Variants in SEMA3D observed in about 807,000 individuals in gnomAD.
The protein encoded by SEMA3D is semaphorin 3D, also known as semaphorin-3D.
A neutral mutation model predicts 100.1 loss-of-function variants in SEMA3D; 84 were observed. That is an observed-to-expected ratio of 0.84 (90% CI 0.70 to 1.01). The LOEUF (loss-of-function observed/expected upper bound fraction) is 1.01. Among genes scored for constraint, SEMA3D ranks in the 50% least tolerant of loss-of-function variants. SEMA3D has a pLI of 0.00. For synonymous variants in SEMA3D, 312 were observed against 320.7 expected (o/e 0.97, Z 0.29); for missense variants, 875 against 934.1 (o/e 0.94, Z 0.82).
Position 85,027,815 on chromosome 7 carries a change from C to T in SEMA3D, c.1192-5202G>A, listed in dbSNP as rs1401963351. The T allele has an allele frequency of 6.2e-6, 3 of 487,126 alleles. No homozygotes were observed. The East Asian group carries it at 1.6e-4, about 26-fold the overall frequency. 30.2% of individuals were successfully genotyped at this position (487,126 alleles called of 1,614,324 possible). A position where few individuals can be genotyped will look rare whatever the true frequency, so the allele number is the denominator to read the frequency against. On this transcript the variant is annotated intron_variant, in intron 12 of 18. Transcript: ENST00000284136. ...CACTTTGAAATCTGAGCTGACCATGCACACAAACATCTGTGTCTAAGTGAC... is the reference window on the plus strand; with the variant it reads ...CACTTTGAAATCTGAGCTGACCATGTACACAAACATCTGTGTCTAAGTGAC...
chr7:85,181,749 A>C, intron 1 of SEMA3D: 3 of 976,122 alleles, frequency 3.1e-6, no homozygotes, highest in Non-Finnish European at 3.7e-6. Flanking sequence ...TTTGCAAATG[A>C]GTGAGCAAAC....
At chr7:85,183,597 T>C (rs1791459901) in intron 1 of SEMA3D, among the ~76,000 whole-genome samples, 2 of 152,216 alleles carry the variant, frequency 1.3e-5, no homozygotes, top group South Asian at 4.1e-4. Context: ...ATTCAGTTTT[T>C]CTTTGTGTAT....
chr7:85,141,655 A>C, intron 2 of SEMA3D: 1 of 983,714 alleles, frequency 1.0e-6, no homozygotes, highest in South Asian at 4.7e-5. Context: ...AAATCTAAAT[A>C]AGAACATGTT....
At chr7:85,119,860 C>T (rs1183944121) in intron 3 of SEMA3D, among the ~76,000 whole-genome samples, 1 of 152,122 alleles carries the variant, frequency 6.6e-6, no homozygotes, top group Non-Finnish European at 1.5e-5. Flanking sequence ...CTATATCATT[C>T]AGCACTCCTT....
chr7:85,079,035 T>C (rs1450908995), intron 5 of SEMA3D, among the ~76,000 whole-genome samples: 1 of 152,176 alleles, frequency 6.6e-6, no homozygotes, highest in Non-Finnish European at 1.5e-5. Context: ...ATGGATATTT[T>C]ATAATGTTAT....
At chr7:85,168,844 AG>A (rs1303868314) in intron 1 of SEMA3D, among the ~76,000 whole-genome samples, 2 of 74,014 alleles carry the variant, frequency 2.7e-5, no homozygotes, top group Admixed American at 1.2e-4. Context: ...AAAGAAAGAA[AG>A]AAAGAAAGAA....
chr7:85,004,790 G>A (rs1487263624), intron 18 of SEMA3D, among the ~76,000 whole-genome samples: 2 of 151,960 alleles, frequency 1.3e-5, no homozygotes, highest in Admixed American at 1.3e-4. Context: ...AAGCAGTATT[G>A]CATACCCTGG....
intron 12 of SEMA3D, among the ~76,000 whole-genome samples, chr7:85,035,331 T>A (rs1790664220): frequency 6.6e-6 from 1 of 151,762 alleles, no homozygotes; most frequent in African/African-American, 2.4e-5. Flanking sequence ...TCTTTATATG[T>A]GCATATAGAT....
At chr7:85,005,255 T>C (rs1233236359) in intron 18 of SEMA3D, among the ~76,000 whole-genome samples, 1 of 151,936 alleles carries the variant, frequency 6.6e-6, no homozygotes, top group East Asian at 1.9e-4. Flanking sequence ...TTCAGTATCA[T>C]TCTTTCAATA....
intron 2 of SEMA3D, among the ~76,000 whole-genome samples, chr7:85,145,139 T>C (rs1403307259): frequency 6.6e-6 from 1 of 152,148 alleles, no homozygotes; most frequent in African/African-American, 2.4e-5. Flanking sequence ...GCCATTCAAG[T>C]ATGGGAATCA....
At chr7:85,158,911 A>G (rs1024908114) in intron 1 of SEMA3D, among the ~76,000 whole-genome samples, 1 of 152,156 alleles carries the variant, frequency 6.6e-6, no homozygotes, top group Non-Finnish European at 1.5e-5. Flanking sequence ...TGTTTCACTA[A>G]GATCAGAAAC....
intron 3 of SEMA3D, among the ~76,000 whole-genome samples, chr7:85,110,193 G>A (rs542764846): frequency 1.4e-3 from 206 of 151,794 alleles, no homozygotes; most frequent in African/African-American, 4.9e-3. Flanking sequence ...ATATTATTTT[G>A]TCACTTCCAC....
At chr7:85,207,872 C>A in the SEMA3D span, among the ~76,000 whole-genome samples, 1 of 151,984 alleles carries the variant, frequency 6.6e-6, no homozygotes, top group Admixed American at 6.6e-5. Flanking sequence ...TTATCTTGGT[C>A]ATTTATTATA....
intron 9 of SEMA3D, among the ~76,000 whole-genome samples, chr7:85,052,511 C>CA: frequency 6.6e-6 from 1 of 151,846 alleles, no homozygotes; most frequent in East Asian, 1.9e-4. Context: ...AACAAACAAA[C>CA]AAAAAACAAC....
At chr7:85,213,919 A>G in the SEMA3D span, among the ~76,000 whole-genome samples, 436 of 152,266 alleles carry the variant, frequency 2.9e-3, 1 homozygote, top group African/African-American at 9.9e-3. Context: ...CTCATGGGCT[A>G]TATAAAAAAG....
Position 85,081,689 on chromosome 7 carries a change from T to A in SEMA3D, c.313-110A>T, listed in dbSNP as rs546256381. On this transcript the variant is annotated intron_variant, in intron 4 of 18. Transcript: ENST00000284136. ...GAAATTGAAGAATGAGTATTAAGCA[T>A]GTTGTTAGAGTCAATGTGGGAAATT... 65 of 717,190 alleles carry A rather than the reference T, an allele frequency of 9.1e-5. No homozygotes were observed. The African/African-American group carries it at 1.1e-3, about 12-fold the overall frequency. 44.4% of individuals were successfully genotyped at this position (717,190 alleles called of 1,614,324 possible). A position where few individuals can be genotyped will look rare whatever the true frequency, so the allele number is the denominator to read the frequency against.
At chr7:85,081,294 T>A (rs1788052184) in intron 5 of SEMA3D, among the ~76,000 whole-genome samples, 1 of 152,186 alleles carries the variant, frequency 6.6e-6, no homozygotes. Context: ...AATTAATACA[T>A]TAGAAAGTAG....
At chr7:85,116,709 T>A (rs1189577181) in intron 3 of SEMA3D, among the ~76,000 whole-genome samples, 1 of 152,050 alleles carries the variant, frequency 6.6e-6, no homozygotes, top group Admixed American at 6.6e-5. Flanking sequence ...AAGATATTAT[T>A]CCATGTTATA....
chr7:85,226,580 T>C, the SEMA3D span, among the ~76,000 whole-genome samples: 1 of 152,188 alleles, frequency 6.6e-6, no homozygotes, highest in Non-Finnish European at 1.5e-5. Flanking sequence ...TTGTGGTACT[T>C]GTGGTAACAA....
Sources: allele counts gnomAD v4.1 joint callset (sites outside exome capture counted in the v4.1 genomes callset), GRCh38; gene constraint gnomAD v4.1.1; transcripts MANE v1.5; gene names NCBI Gene and HGNC (gene_info 2026-07-23, HGNC 2026-07-21).